Variants in SEMA3E observed in about 807,000 individuals in gnomAD.
SEMA3E encodes the protein semaphorin-3E.
A neutral mutation model predicts 93.6 loss-of-function variants in SEMA3E; 49 were observed. That is an observed-to-expected ratio of 0.52 (90% CI 0.42 to 0.66). SEMA3E has a LOEUF of 0.66. SEMA3E is among the 30% of genes least tolerant of loss of function. SEMA3E has a pLI of 0.00. For missense variants in SEMA3E, 906 were observed against 964.8 expected, an observed-to-expected ratio of 0.94 and a Z score of 0.81; for synonymous variants, 363 against 330.7, an observed-to-expected ratio of 1.10 and a Z score of -1.06.
chr7:83,626,564 G>T (rs562121551), intron 1 of SEMA3E, among the ~76,000 whole-genome samples: 264 of 151,864 alleles, frequency 1.7e-3, no homozygotes, highest in African/African-American at 6.1e-3. Flanking sequence ...CCCCTTTATC[G>T]TTTTTTATCG....
At chr7:83,501,739 T>C (rs1172078108) in intron 1 of SEMA3E, among the ~76,000 whole-genome samples, 1 of 152,248 alleles carries the variant, frequency 6.6e-6, no homozygotes, top group Non-Finnish European at 1.5e-5. Context: ...TAACTTTTTA[T>C]GTTTTTGTTG....
intron 1 of SEMA3E, among the ~76,000 whole-genome samples, chr7:83,587,832 A>AT (rs1419221914): frequency 6.6e-6 from 1 of 151,924 alleles, no homozygotes; most frequent in Non-Finnish European, 1.5e-5. Context: ...ATGTTGTGTA[A>AT]TTTTTTCAAC....
At chr7:83,502,946 G>A (rs1790622660) in intron 1 of SEMA3E, among the ~76,000 whole-genome samples, 1 of 151,540 alleles carries the variant, frequency 6.6e-6, no homozygotes, top group African/African-American at 2.4e-5. Context: ...TGGTAGGACT[G>A]CCGTAAGAAT....
In SEMA3E at chr7:83,583,191, A is replaced by G. The variant is rs1584345952; in HGVS notation, c.115+65237T>C. On this transcript the variant is annotated intron_variant, in intron 1 of 16. Transcript: ENST00000643230. The stretch of plus-strand genomic sequence containing the variant: ...TCTAAGACTACATGGAGTTAAACTG[A>G]TGTACCTTTAGAAACCTTTGACTAG... Among the ~76,000 whole-genome samples, 5 of 152,292 alleles carry G rather than the reference A, an allele frequency of 3.3e-5. 1 individual carries two copies. Among genetic ancestry groups the G allele is most frequent in the Admixed American group, 3.3e-4 (5 of 15,270 alleles).
intron 1 of SEMA3E, among the ~76,000 whole-genome samples, chr7:83,586,469 G>A (rs1486952148): frequency 1.3e-5 from 2 of 151,914 alleles, no homozygotes; most frequent in African/African-American, 4.8e-5. Context: ...TAGGGAGAAT[G>A]TGCATAGCTT....
intron 1 of SEMA3E, among the ~76,000 whole-genome samples, chr7:83,620,677 GC>G (rs1278033312): frequency 6.6e-6 from 1 of 152,124 alleles, no homozygotes; most frequent in Non-Finnish European, 1.5e-5. Flanking sequence ...TCAGGGGGAT[GC>G]AAGGTTGGTT....
intron 4 of SEMA3E, among the ~76,000 whole-genome samples, chr7:83,454,272 A>AAAAAAAATAT (rs1257792756): frequency 3.6e-5 from 4 of 110,138 alleles, no homozygotes; most frequent in African/African-American, 1.7e-4. Context: ...AAAAAAAAAA[A>AAAAAAAATAT]ATATATATAT....
At chr7:83,616,007 C>A (rs74881180) in intron 1 of SEMA3E, among the ~76,000 whole-genome samples, 197 of 68,506 alleles carry the variant, frequency 2.9e-3, no homozygotes, top group Non-Finnish European at 4.8e-3. Context: ...AAAAAAAAAA[C>A]ATTGGTAAAT....
intron 1 of SEMA3E, among the ~76,000 whole-genome samples, chr7:83,491,623 A>G (rs1302810697): frequency 6.6e-6 from 1 of 152,052 alleles, no homozygotes; most frequent in African/African-American, 2.4e-5. Flanking sequence ...GAAAAAAGGA[A>G]TAATAGGTAT....
At chr7:83,618,954 A>G (rs1793487646) in intron 1 of SEMA3E, among the ~76,000 whole-genome samples, 2 of 151,934 alleles carry the variant, frequency 1.3e-5, no homozygotes, top group Admixed American at 6.6e-5. Flanking sequence ...ACACACATAG[A>G]AAAACATACC....
intron 1 of SEMA3E, among the ~76,000 whole-genome samples, chr7:83,609,683 CA>C (rs1793207955): frequency 6.6e-6 from 1 of 151,734 alleles, no homozygotes; most frequent in African/African-American, 2.4e-5. Context: ...TTTTACTTAC[CA>C]AATCAACTAT....
intron 4 of SEMA3E, among the ~76,000 whole-genome samples, chr7:83,457,025 AT>A (rs1033580843): frequency 6.6e-6 from 1 of 152,192 alleles, no homozygotes; most frequent in African/African-American, 2.4e-5. Context: ...CATTGATACT[AT>A]TAACTATCAT....
chr7:83,610,545 T>C (rs1487307114), intron 1 of SEMA3E, among the ~76,000 whole-genome samples: 2 of 152,094 alleles, frequency 1.3e-5, no homozygotes, highest in African/African-American at 4.8e-5. Context: ...TCCTAGCCCA[T>C]TCTAGAAAAT....
intron 1 of SEMA3E, among the ~76,000 whole-genome samples, chr7:83,493,313 C>T (rs921627438): frequency 6.6e-6 from 1 of 151,778 alleles, no homozygotes; most frequent in Non-Finnish European, 1.5e-5. Flanking sequence ...CTAGAAAATT[C>T]ATTTACAACT....
At chr7:83,404,645 T>C (rs1788293236) in intron 9 of SEMA3E, among the ~76,000 whole-genome samples, 1 of 151,924 alleles carries the variant, frequency 6.6e-6, no homozygotes. Context: ...TTACTATGGG[T>C]TAAAAAAATA....
chr7:83,404,450 C>A (rs750090596), intron 9 of SEMA3E, among the ~76,000 whole-genome samples: 5 of 151,798 alleles, frequency 3.3e-5, no homozygotes, highest in Non-Finnish European at 7.4e-5. Flanking sequence ...TTATTCTAGC[C>A]CTGTCAAGAG....
At position 83,647,795 on chromosome 7, in the gene SEMA3E, G is replaced by A. The variant is rs887070758; in HGVS notation, c.115+633C>T. ...TTAATCCATATTAGCCATTTTACAA[G>A]CATTGTCATAAACTATTTTCCTTTG... On this transcript the variant is annotated intron_variant, in intron 1 of 16. Transcript: ENST00000643230. Among the ~76,000 whole-genome samples, 12 of 152,110 alleles carry A rather than the reference G, an allele frequency of 7.9e-5. No homozygotes were observed. In the South Asian group the frequency reaches 8.3e-4, roughly 11 times the overall value.
chr7:83,438,284 T>G (rs541013700), intron 4 of SEMA3E, among the ~76,000 whole-genome samples: 1 of 152,230 alleles, frequency 6.6e-6, no homozygotes, highest in Non-Finnish European at 1.5e-5. Context: ...AATTTATAAT[T>G]CATGTAGAAA....
intron 1 of SEMA3E, among the ~76,000 whole-genome samples, chr7:83,560,846 T>G (rs1452925339): frequency 6.6e-6 from 1 of 152,024 alleles, no homozygotes; most frequent in African/African-American, 2.4e-5. Context: ...ATCATACTTT[T>G]TAAACTTTCA....
Sources: gnomAD v4.1 joint callset for allele counts (sites outside exome capture counted in the v4.1 genomes callset) on GRCh38, gnomAD v4.1.1 for gene constraint, MANE v1.5 for transcripts, NCBI Gene and HGNC (gene_info 2026-07-23, HGNC 2026-07-21) for gene names.